The following NFKB1 variants were observed in gnomAD, a reference collection of about 807,000 sequenced individuals.
NFKB1 encodes the protein nuclear factor kappa B subunit 1.
NFKB1 carries 9 observed loss-of-function variants against 105.1 expected under a neutral mutation model. That is an observed-to-expected ratio of 0.09 (90% CI 0.05 to 0.15). The LOEUF (loss-of-function observed/expected upper bound fraction) is 0.15, where lower values mean the gene tolerates loss of function less well. Among genes scored for constraint, NFKB1 ranks in the 10% least tolerant of loss-of-function variants. The pLI, the probability that NFKB1 is intolerant of heterozygous loss-of-function variation, is 1.00. For missense variants in NFKB1, 830 were observed against 1,203.7 expected, an observed-to-expected ratio of 0.69 and a Z score of 4.59; for synonymous variants, 440 against 442.2, an observed-to-expected ratio of 1.00 and a Z score of 0.06.
intron 5 of NFKB1, among the ~76,000 whole-genome samples, chr4:102,555,143 A>G (rs1722892451): frequency 6.6e-6 from 1 of 152,144 alleles, no homozygotes; most frequent in African/African-American, 2.4e-5. Context: ...GAAACTCCTC[A>G]GGGATCCCTC....
At chr4:102,615,304 C>G (rs539811502) in intron 23 of NFKB1, among the ~76,000 whole-genome samples, 3 of 152,374 alleles carry the variant, frequency 2.0e-5, no homozygotes, top group South Asian at 4.1e-4. Flanking sequence ...TTCCTCCACA[C>G]TGCGCCTCCA....
chr4:102,577,891 C>T, intron 7 of NFKB1: 1 of 985,260 alleles, frequency 1.0e-6, no homozygotes, highest in Non-Finnish European at 1.2e-6. Context: ...ATCAAGTTTA[C>T]ATCTTGTAGC....
rs1706711162 is a variant in NFKB1, at chr4:102,617,163, G to A, written c.*569G>A. The A allele has an allele frequency of 6.7e-6, 1 of 148,268 alleles. No homozygotes were observed. The highest frequency in any genetic ancestry group is 2.0e-4 in the East Asian group (1 of 5,008). The allele number at this position is 148,268 out of a possible 1,614,324, so 9.2% of individuals were successfully genotyped here. ...ATGGTTACAATCATTGCTGAAAATG[G>A]TATTTTCCCCCTTTTCTGCATTTTG... On this transcript the variant is annotated 3_prime_UTR_variant, in exon 24 of 24. Transcript: ENST00000226574.
At chr4:102,597,153 G>A (rs1257408311) in intron 14 of NFKB1, among the ~76,000 whole-genome samples, 1 of 152,120 alleles carries the variant, frequency 6.6e-6, no homozygotes, top group Non-Finnish European at 1.5e-5. Context: ...TTCCAATGAA[G>A]GATTATTTCA....
chr4:102,612,258 G>C, intron 21 of NFKB1, 148 bp downstream of exon 21: 5 of 954,156 alleles, frequency 5.2e-6, no homozygotes, highest in Non-Finnish European at 7.9e-6. Flanking sequence ...AGAATATCCA[G>C]TTTTAATCTA....
At chr4:102,602,374 CAAA>C (rs766610640) in intron 16 of NFKB1, among the ~76,000 whole-genome samples, 1 of 113,658 alleles carries the variant, frequency 8.8e-6, no homozygotes, top group Admixed American at 8.9e-5. Flanking sequence ...ACTAGAAATA[CAAA>C]AAAAAAAAAA....
intron 1 of NFKB1, among the ~76,000 whole-genome samples, chr4:102,524,339 C>G (rs1174277558): frequency 6.6e-6 from 1 of 152,060 alleles, no homozygotes; most frequent in African/African-American, 2.4e-5. Flanking sequence ...AATCTGAGAC[C>G]TATAGCCTTG....
chr4:102,604,791 T>TA lies in NFKB1; in HGVS notation c.1753-1704dup, dbSNP rs1281060487. ...GATTTGTGTCAGAATTTCACCCAGA[T>TA]ACATCTGCAAGAGTTGGGTTGCTGG... On this transcript the variant is annotated intron_variant, in intron 16 of 23. Coordinates refer to ENST00000226574, the MANE Select transcript of NFKB1 (RefSeq NM_003998.4). 2.0e-5 allele frequency among the ~76,000 whole-genome samples: 3 copies of TA among 152,198 alleles called. No homozygotes were observed. The East Asian group carries it at 5.8e-4, about 29-fold the overall frequency.
intron 1 of NFKB1, among the ~76,000 whole-genome samples, chr4:102,518,695 G>C (rs1337517504): frequency 6.6e-6 from 1 of 152,118 alleles, no homozygotes; most frequent in Non-Finnish European, 1.5e-5. Flanking sequence ...GCTAATCTCT[G>C]AGGTCTTTTG....
At chr4:102,582,820 T>C in intron 9 of NFKB1, 46 bp from the exon 10 acceptor site, 1 of 1,251,362 alleles carries the variant, frequency 8.0e-7, no homozygotes, top group Non-Finnish European at 1.2e-6. Flanking sequence ...TTATAAATAC[T>C]ATTTACACTA....
chr4:102,600,307 A>G (rs753372005), intron 15 of NFKB1, among the ~76,000 whole-genome samples: 1 of 152,146 alleles, frequency 6.6e-6, no homozygotes, highest in Non-Finnish European at 1.5e-5. Context: ...AAATACAATC[A>G]CTTTGTTTCT....
intron 13 of NFKB1, among the ~76,000 whole-genome samples, chr4:102,595,595 C>T (rs548394608): frequency 2.0e-5 from 3 of 152,308 alleles, no homozygotes; most frequent in East Asian, 3.9e-4. Context: ...CAGAAATGTT[C>T]GTACTCACTG....
intron 22 of NFKB1, 124 bp from the exon 23 acceptor site, chr4:102,613,295 CTTTCCA>C (rs1188598492): frequency 1.9e-5 from 18 of 930,718 alleles, no homozygotes; most frequent in Non-Finnish European, 2.9e-5. Context: ...CTTCTCTGCC[CTTTCCA>C]TTTCCTCCTG....
rs191396818 is a variant in NFKB1 at position 102,513,863 on chromosome 4, G to A, written c.-7-11649G>A. ...CGTGGTCTATCTTCGTGAATATTCC[G>A]TGTGTATTTAAAAATAATGTGGACT... is the stretch of plus-strand genomic sequence containing the variant. On this transcript the variant is annotated intron_variant, in intron 1 of 23. Transcript: ENST00000226574. Among the ~76,000 whole-genome samples the A allele has an allele frequency of 1.4e-3, 211 of 151,936 alleles. 1 individual carries two copies. The highest frequency in any genetic ancestry group is 1.6e-3 in the Admixed American group (24 of 15,242).
rs1375230882 is a variant in NFKB1 at position 102,607,765 on chromosome 4, C to G, written c.2227+14C>G. ...TCAAAGCAGCAGGTAAGATGGTGAT[C>G]TGGCGGTCATTAATGAAAAATGTTA... On this transcript the variant is annotated intron_variant, in intron 19 of 23. Transcript: ENST00000226574. 1.2e-6 allele frequency: 2 copies of G among 1,610,398 alleles called. No homozygotes were observed. The highest frequency in any genetic ancestry group is 1.3e-5 in the African/African-American group (1 of 74,856).
intron 1 of NFKB1, among the ~76,000 whole-genome samples, chr4:102,519,951 C>T (rs2149107557): frequency 6.6e-6 from 1 of 152,306 alleles, no homozygotes; most frequent in African/African-American, 2.4e-5. Context: ...AACCAAAGCA[C>T]TGTCATGATG....
chr4:102,597,760 A>G, intron 15 of NFKB1, 99 bp downstream of exon 15: 4 of 1,357,006 alleles, frequency 2.9e-6, no homozygotes, highest in East Asian at 2.4e-5. Flanking sequence ...TTGTTCAAAT[A>G]TATTGAGTCC....
intron 5 of NFKB1, among the ~76,000 whole-genome samples, chr4:102,542,814 C>T (rs908389899): frequency 6.6e-5 from 10 of 152,190 alleles, no homozygotes; most frequent in South Asian, 2.1e-4. Context: ...ATTGATTCCT[C>T]TTTGCTGTCT....
chr4:102,604,091 T>C (rs1237430526), intron 16 of NFKB1, among the ~76,000 whole-genome samples: 2 of 152,144 alleles, frequency 1.3e-5, no homozygotes, highest in Non-Finnish European at 2.9e-5. Flanking sequence ...AGAATCTACA[T>C]TGGAAAGTCA....
Sources: gnomAD v4.1 joint callset for allele counts (sites outside exome capture counted in the v4.1 genomes callset) on GRCh38, gnomAD v4.1.1 for gene constraint, MANE v1.5 for transcripts, NCBI Gene and HGNC (gene_info 2026-07-23, HGNC 2026-07-21) for gene names.